ANKRD13C: variants seen among roughly 807,000 people sequenced by gnomAD.
ANKRD13C encodes ankyrin repeat domain 13C, also known as ankyrin repeat domain-containing protein 13C.
A neutral mutation model predicts 65.5 loss-of-function variants in ANKRD13C; 16 were observed. The ratio of observed to expected loss-of-function variants is 0.24; its 90% CI spans 0.17 to 0.37. The LOEUF (loss-of-function observed/expected upper bound fraction) is 0.37. Ranked by LOEUF, ANKRD13C falls within the 10% of genes least tolerant of loss-of-function variation. ANKRD13C has a pLI of 1.00. For synonymous variants in ANKRD13C, 235 were observed against 238.7 expected (o/e 0.98, Z 0.14); for missense variants, 503 against 655.9 (o/e 0.77, Z 2.55).
At chr1:70,277,681 A>C (rs1679201457) in intron 9 of ANKRD13C, among the ~76,000 whole-genome samples, 1 of 152,208 alleles carries the variant, frequency 6.6e-6, no homozygotes, top group Non-Finnish European at 1.5e-5. Context: ...GATGAAACAG[A>C]GTGTTTTTAA....
chr1:70,290,380 G>GT, intron 9 of ANKRD13C, among the ~76,000 whole-genome samples: 1 of 152,126 alleles, frequency 6.6e-6, no homozygotes, highest in Non-Finnish European at 1.5e-5. Context: ...TTTGTAGTAT[G>GT]TAGTAGCCTT....
intron 1 of ANKRD13C, among the ~76,000 whole-genome samples, chr1:70,352,183 C>T (rs1000662845): frequency 2.0e-5 from 3 of 151,302 alleles, no homozygotes; most frequent in African/African-American, 7.3e-5. Context: ...ACTAAAATTA[C>T]AAAAAAATTA....
rs72929272 is a variant in ANKRD13C at position 70,304,695 on chromosome 1, G to T, written c.776+1529C>A. Among the ~76,000 whole-genome samples, 802 of 152,104 alleles carry T rather than the reference G, an allele frequency of 5.3e-3. 10 individuals are homozygous for T. Among genetic ancestry groups the T allele is most frequent in the African/African-American group, 0.019 (775 of 41,508 alleles). Reference sequence around the variant, plus strand: ...ATTACAGGCATGAGTCACCACACCCGGCCTAAAACTAACTTTTTAAACTAT... The same window carrying T: ...ATTACAGGCATGAGTCACCACACCCTGCCTAAAACTAACTTTTTAAACTAT... On this transcript the variant is annotated intron_variant, in intron 6 of 12. Transcript: ENST00000370944.
intron 1 of ANKRD13C, among the ~76,000 whole-genome samples, chr1:70,346,907 T>A (rs1468072490): frequency 1.3e-5 from 2 of 151,678 alleles, no homozygotes; most frequent in Admixed American, 1.3e-4. Context: ...CTGGCTAACA[T>A]GGTGAAACCC....
At chr1:70,317,323 C>T (rs974995629) in intron 3 of ANKRD13C, among the ~76,000 whole-genome samples, 1 of 152,048 alleles carries the variant, frequency 6.6e-6, no homozygotes, top group South Asian at 2.1e-4. Flanking sequence ...TTCCCAAATA[C>T]GAACCTACAT....
intron 5 of ANKRD13C, among the ~76,000 whole-genome samples, chr1:70,306,969 G>C (rs963562258): frequency 2.6e-5 from 4 of 152,032 alleles, no homozygotes; most frequent in African/African-American, 9.7e-5. Context: ...TGCATAACAG[G>C]CTATAATAAA....
intron 1 of ANKRD13C, among the ~76,000 whole-genome samples, chr1:70,348,283 A>ATT (rs34534926): frequency 6.8e-5 from 10 of 146,554 alleles, no homozygotes; most frequent in African/African-American, 2.5e-4. Context: ...TCAAATGCAC[A>ATT]TTTTTTTTTT....
chr1:70,309,327 G>A (rs1680734272), intron 5 of ANKRD13C, among the ~76,000 whole-genome samples: 1 of 151,160 alleles, frequency 6.6e-6, no homozygotes, highest in African/African-American at 2.4e-5. Context: ...ACCCGCCTTG[G>A]CCTCCCAAAG....
chr1:70,295,459 G>T (rs1572074681), intron 8 of ANKRD13C, among the ~76,000 whole-genome samples: 1 of 151,962 alleles, frequency 6.6e-6, no homozygotes, highest in Non-Finnish European at 1.5e-5. Context: ...TGTTGGCCAG[G>T]CTGGTCTCGA....
intron 3 of ANKRD13C, among the ~76,000 whole-genome samples, chr1:70,317,058 A>C (rs1254206233): frequency 1.7e-4 from 1 of 6,006 alleles, no homozygotes; most frequent in Non-Finnish European, 5.2e-4. Context: ...AGCTTGGACT[A>C]GATTTTTTTT....
chr1:70,336,104 A>G lies in ANKRD13C; in HGVS notation c.431-5T>C. The G allele has an allele frequency of 1.4e-6, 1 of 733,928 alleles. No individual in the cohort carries two copies. The highest frequency in any genetic ancestry group is 1.9e-6 in the Non-Finnish European group (1 of 523,746). The allele number at this position is 733,928 out of a possible 1,614,324, so 45.5% of individuals were successfully genotyped here. A position where few individuals can be genotyped will look rare whatever the true frequency, so the allele number is the denominator to read the frequency against. ...CAAGGTGTAAAGGAGTATTTCCTAA[A>G]AAAAATAAAATAAAATAAATAAATT... is the stretch of plus-strand genomic sequence containing the variant. On this transcript the variant is annotated splice_polypyrimidine_tract_variant and splice_region_variant and intron_variant, in intron 1 of 12. Transcript: ENST00000370944.
chr1:70,262,182 T>C lies in ANKRD13C; in HGVS notation c.*535A>G, dbSNP rs1043497924. On this transcript the variant is annotated 3_prime_UTR_variant, in exon 13 of 13. Coordinates refer to ENST00000370944, the MANE Select transcript of ANKRD13C (RefSeq NM_030816.5). ...ATTGCATTCCTTCTAGTTCATTATA[T>C]TGAACAAACATTCAAATTACTGAAC... The C allele has an allele frequency of 6.6e-6, 1 of 152,612 alleles. No homozygotes were observed. The highest frequency in any genetic ancestry group is 2.4e-5 in the African/African-American group (1 of 41,456). 9.5% of individuals were successfully genotyped at this position (152,612 alleles called of 1,614,324 possible).
At chr1:70,320,916 C>T (rs1681280206) in intron 3 of ANKRD13C, among the ~76,000 whole-genome samples, 2 of 151,834 alleles carry the variant, frequency 1.3e-5, no homozygotes, top group Admixed American at 6.6e-5. Flanking sequence ...CAGGCTCCCG[C>T]GTAGCTGGGA....
intron 9 of ANKRD13C, among the ~76,000 whole-genome samples, chr1:70,277,173 C>A (rs1679176749): frequency 6.6e-6 from 1 of 152,144 alleles, no homozygotes; most frequent in Non-Finnish European, 1.5e-5. Flanking sequence ...AAAACTAACT[C>A]TGGGCCAGGC....
At chr1:70,325,495 A>G (rs1572140254) in intron 2 of ANKRD13C, among the ~76,000 whole-genome samples, 2 of 151,630 alleles carry the variant, frequency 1.3e-5, no homozygotes, top group South Asian at 4.2e-4. Context: ...CTTATGATAC[A>G]ACGACAAATC....
chr1:70,267,086 T>C (rs2101103132), intron 12 of ANKRD13C, among the ~76,000 whole-genome samples: 2 of 152,316 alleles, frequency 1.3e-5, no homozygotes, highest in Middle Eastern at 3.4e-3. Flanking sequence ...AATTTTTGTT[T>C]CATCTATCTT....
At chr1:70,288,578 T>G (rs1052984623) in intron 9 of ANKRD13C, among the ~76,000 whole-genome samples, 2 of 152,262 alleles carry the variant, frequency 1.3e-5, no homozygotes, top group Admixed American at 6.5e-5. Flanking sequence ...TATTGATACA[T>G]ACAACTTAGA....
intron 7 of ANKRD13C, among the ~76,000 whole-genome samples, chr1:70,297,839 G>A (rs1373392028): frequency 1.3e-5 from 2 of 150,670 alleles, no homozygotes; most frequent in Non-Finnish European, 3.0e-5. Context: ...CTTGAACCCG[G>A]GAGGTGGAGG....
Position 70,318,694 on chromosome 1 carries a change from T to G in ANKRD13C, c.578-3128A>C, listed in dbSNP as rs138261829. ...ATCAATCTTTGTTTTTTTTTTTTTT[T>G]TTTTTTTGAGACGGAGTCTCGCTCT... On this transcript the variant is annotated intron_variant, in intron 3 of 12. Coordinates refer to ENST00000370944, the MANE Select transcript of ANKRD13C (RefSeq NM_030816.5). Among the ~76,000 whole-genome samples the G allele has an allele frequency of 7.7e-3, 1,132 of 147,912 alleles. 15 individuals carry two copies. The highest frequency in any genetic ancestry group is 0.027 in the African/African-American group (1,077 of 40,034).
Sources: allele counts gnomAD v4.1 joint callset (sites outside exome capture counted in the v4.1 genomes callset), GRCh38; gene constraint gnomAD v4.1.1; transcripts MANE v1.5; gene names NCBI Gene and HGNC (gene_info 2026-07-23, HGNC 2026-07-21).